Variants in ST7 observed in about 807,000 individuals in gnomAD.
ST7 encodes suppressor of tumorigenicity 7 protein.
In ST7, 28 loss-of-function variants were observed where a neutral mutation model predicts 78.7. That is an observed-to-expected ratio of 0.36 (90% confidence interval 0.26 to 0.49). The LOEUF is 0.49. ST7 is among the 20% of genes least tolerant of loss of function. The pLI is 0.99. For missense variants in ST7, 418 were observed against 696.0 expected (o/e 0.60, Z 4.49); for synonymous variants, 247 against 249.6 (o/e 0.99, Z 0.10).
rs746507000 is a variant in ST7, at chr7:117,190,915, A to G, written c.1233A>G (p.Glu411=). The G allele has an allele frequency of 6.2e-7, 1 of 1,613,962 alleles. No individual in the cohort carries two copies. The highest frequency in any genetic ancestry group is 8.5e-7 in the Non-Finnish European group (1 of 1,179,866). The stretch of plus-strand genomic sequence containing the variant: ...TAGAGGCCATTCATAGAGCTGTGGA[A>G]TTCAATCCTCATGTGCCAAAAGTGA... ...NAVEAIHRAV[E]FNPHVPKYLL... The change falls in exon 12 of 16, where the codon GAA becomes GAG. Residue 411 remains glutamate (E), a synonymous_variant. Transcript: ENST00000323984. This position sits in a 1 kb window ranked among gnomAD's most constrained non-coding sequence, Gnocchi z 5.2.
intron 10 of ST7, among the ~76,000 whole-genome samples, chr7:117,180,755 TC>T (rs1808692606): frequency 6.6e-6 from 1 of 152,080 alleles, no homozygotes; most frequent in Admixed American, 6.6e-5. Context: ...GCTCAAGTGA[TC>T]CTCCCACCTC....
rs562581909 is a variant in ST7, at chr7:116,991,647, G to A, written c.151+37956G>A. 2.8e-4 allele frequency among the ~76,000 whole-genome samples: 43 copies of A among 152,246 alleles called. 1 individual carries two copies. In the South Asian group the frequency reaches 8.5e-3, roughly 30 times the overall value. On this transcript the variant is annotated intron_variant, in intron 1 of 15. Transcript: ENST00000323984. ...GATGAGATTTGGGTGGGGACACAGA[G>A]CCAAACCATATCATTTCACCTCTGG...
chr7:117,076,453 A>T (rs1799345335), intron 1 of ST7: 1 of 152,184 alleles, frequency 6.6e-6, no homozygotes, highest in Non-Finnish European at 1.5e-5. Context: ...TATTTCCTTG[A>T]CCCCTTAATG....
At chr7:117,080,137 C>T (rs1032456729) in intron 1 of ST7, among the ~76,000 whole-genome samples, 1 of 151,604 alleles carries the variant, frequency 6.6e-6, no homozygotes, top group Non-Finnish European at 1.5e-5. Flanking sequence ...CCCGCCACTA[C>T]GCCCGGCTAA....
chr7:117,171,900 A>G (rs1273400150), intron 10 of ST7, among the ~76,000 whole-genome samples: 1 of 151,240 alleles, frequency 6.6e-6, no homozygotes, highest in Non-Finnish European at 1.5e-5. Flanking sequence ...CATTTAAAGA[A>G]TTATTCAGAT....
intron 6 of ST7, among the ~76,000 whole-genome samples, chr7:117,132,606 C>T (rs1234547167): frequency 6.6e-6 from 1 of 151,458 alleles, no homozygotes; most frequent in Non-Finnish European, 1.5e-5. Flanking sequence ...ACTATCCTTG[C>T]CAAGTGGTCA....
At chr7:117,039,971 T>G (rs920205798) in intron 1 of ST7, among the ~76,000 whole-genome samples, 5 of 152,234 alleles carry the variant, frequency 3.3e-5, no homozygotes, top group Non-Finnish European at 7.3e-5. Context: ...AGAGCCATCA[T>G]GCTTGCACAT....
chr7:116,962,665 C>T (rs533619590), intron 1 of ST7, among the ~76,000 whole-genome samples: 4 of 152,184 alleles, frequency 2.6e-5, no homozygotes, highest in African/African-American at 4.8e-5. Context: ...TGTTTAAGTT[C>T]CTTGTAGATT....
At chr7:116,972,484 G>T in intron 1 of ST7, 1 of 883,032 alleles carries the variant, frequency 1.1e-6, no homozygotes, top group South Asian at 1.4e-5. Flanking sequence ...TTGTTCCTCT[G>T]TGCGTTCCAA....
chr7:116,984,061 T>C (rs1794086208), intron 1 of ST7, among the ~76,000 whole-genome samples: 1 of 152,088 alleles, frequency 6.6e-6, no homozygotes, highest in African/African-American at 2.4e-5. Flanking sequence ...AGCATGTCTA[T>C]TGGAAAGCAG....
chr7:117,165,454 G>A (rs6976661), intron 9 of ST7, among the ~76,000 whole-genome samples: 41,766 of 151,448 alleles, frequency 0.28, 6,933 homozygotes, highest in African/African-American at 0.48. Context: ...AATGATAAAG[G>A]ACACGTTTAG....
At chr7:117,006,658 G>C (rs1308442647) in intron 1 of ST7, among the ~76,000 whole-genome samples, 1 of 152,152 alleles carries the variant, frequency 6.6e-6, no homozygotes, top group African/African-American at 2.4e-5. Flanking sequence ...ACCTTGTTTT[G>C]ATGCACTTTG....
intron 10 of ST7, among the ~76,000 whole-genome samples, chr7:117,183,202 G>C (rs149789568): frequency 2.3e-4 from 35 of 152,204 alleles, no homozygotes; most frequent in Middle Eastern, 3.4e-3. Flanking sequence ...AAGGTGGGCA[G>C]AACAGTTGAG....
intron 1 of ST7, among the ~76,000 whole-genome samples, chr7:117,024,837 G>A (rs1231481277): frequency 2.0e-5 from 3 of 152,150 alleles, no homozygotes; most frequent in Non-Finnish European, 4.4e-5. Context: ...GCAGCCAGAT[G>A]CTGGCAATAA....
chr7:117,060,567 A>C (rs1425511485), intron 1 of ST7, among the ~76,000 whole-genome samples: 1 of 152,222 alleles, frequency 6.6e-6, no homozygotes, highest in Non-Finnish European at 1.5e-5. Context: ...AGGATAATAA[A>C]ATTGTGTGAA....
intron 3 of ST7, 46 bp from the exon 4 acceptor site, chr7:117,129,747 G>C (rs1479619668): frequency 1.4e-6 from 2 of 1,461,554 alleles, no homozygotes; most frequent in Non-Finnish European, 1.9e-6. Context: ...AGCTTGTAGT[G>C]TCACTGAACT....
intron 1 of ST7, among the ~76,000 whole-genome samples, chr7:117,033,120 A>G (rs1796687219): frequency 1.3e-5 from 2 of 152,194 alleles, no homozygotes; most frequent in African/African-American, 4.8e-5. Context: ...CTTTAATGGC[A>G]CATGATAAGC....
At chr7:117,059,346 A>G (rs1798230074) in intron 1 of ST7, among the ~76,000 whole-genome samples, 1 of 152,208 alleles carries the variant, frequency 6.6e-6, no homozygotes, top group Non-Finnish European at 1.5e-5. Context: ...ATTAAAGATA[A>G]AAAGAAATAG....
chr7:117,089,640 C>T (rs1379185130), intron 1 of ST7, among the ~76,000 whole-genome samples: 6 of 149,988 alleles, frequency 4.0e-5, no homozygotes, highest in Admixed American at 6.6e-5. Context: ...GGCGCGATCT[C>T]GGCTCACTGC....
Sources: gnomAD v4.1 joint callset for allele counts (sites outside exome capture counted in the v4.1 genomes callset) on GRCh38, gnomAD v4.1.1 for gene constraint, Gnocchi (gnomAD v3.1) non-coding constraint, MANE v1.5 for transcripts, NCBI Gene and HGNC (gene_info 2026-07-23, HGNC 2026-07-21) for gene names.